HOXB4: variants seen among roughly 807,000 people sequenced by gnomAD.
HOXB4 encodes the protein homeobox B4, also known as homeobox protein Hox-B4.
In HOXB4, 13 loss-of-function variants were observed where a neutral mutation model predicts 20.0. The observed-to-expected ratio is 0.65, with a 90% CI of 0.42 to 1.03. The LOEUF (loss-of-function observed/expected upper bound fraction) is 1.03, where lower values mean the gene tolerates loss of function less well. HOXB4 is among the 50% of genes least tolerant of loss of function. The pLI, the probability that HOXB4 is intolerant of heterozygous loss-of-function variation, is 0.00. For missense variants in HOXB4, 343 were observed against 357.1 expected (o/e 0.96, Z 0.32); for synonymous variants, 173 against 148.9 (o/e 1.16, Z -1.18).
intron 1 of HOXB4, 129 bp downstream of exon 1, chr17:48,577,734 C>T (rs1054529091): frequency 4.9e-6 from 4 of 814,452 alleles, no homozygotes; most frequent in Admixed American, 4.3e-5. Context: ...CGTAAATCTC[C>T]GGCAATGGCG....
intron 1 of HOXB4, 131 bp from the exon 2 acceptor site, chr17:48,577,151 C>G (rs74832295): frequency 2.7e-4 from 4 of 14,642 alleles, no homozygotes; most frequent in Non-Finnish European, 5.6e-4. Flanking sequence ...TGAGGGAGAG[C>G]GGGGAAAAAC....
In HOXB4 at chr17:48,578,213, C is replaced by G. The variant is rs1012011026; in HGVS notation, c.107G>C (p.Gly36Ala). 6.2e-7 allele frequency: 1 copy of G among 1,613,838 alleles called. No homozygotes were observed. ...SDYLPSDHSP[G>A]YYAGGQRRES... ...TCGCCTCTGGCCGCCGGCGTAGTAC[C>G]CGGGCGAGTGGTCGCTGGGTAGGTA... is the stretch of plus-strand genomic sequence containing the variant. Residue 36 changes from glycine to alanine, a missense_variant, in exon 1 of 2, where the codon GGG (glycine) becomes GCG (alanine). Coordinates refer to ENST00000332503, the MANE Select transcript of HOXB4 (RefSeq NM_024015.5).
Position 48,575,711 on chromosome 17 carries a change from G to C in HOXB4, c.*1011C>G, listed in dbSNP as rs927148953. ...AATATTATCAATAATAATAATAAAC[G>C]ATGCAACATAATAAACTATGGGAGA... On this transcript the variant is annotated 3_prime_UTR_variant, in exon 2 of 2. Coordinates refer to ENST00000332503, the MANE Select transcript of HOXB4 (RefSeq NM_024015.5). 1 of 145,628 alleles carries C rather than the reference G, an allele frequency of 6.9e-6. No homozygotes were observed. The highest frequency in any genetic ancestry group is 6.7e-5 in the Admixed American group (1 of 15,006). The allele number at this position is 145,628 out of a possible 1,614,324, so 9.0% of individuals were successfully genotyped here.
chr17:48,577,731 C>T, intron 1 of HOXB4, 132 bp downstream of exon 1: 1 of 798,482 alleles, frequency 1.3e-6, no homozygotes. Flanking sequence ...GACCGTAAAT[C>T]TCCGGCAATG....
At position 48,576,700 on chromosome 17, in the gene HOXB4, G is replaced by T. The variant is rs1440639865; in HGVS notation, c.*22C>A. On this transcript the variant is annotated 3_prime_UTR_variant, in exon 2 of 2. Transcript: ENST00000332503. Reference sequence around the variant, plus strand: ...ACTGCCCACCCCCACCCCGAGGTTCGTGGCTCCCGCGTGCGGGGGCACTAG... The same window carrying T: ...ACTGCCCACCCCCACCCCGAGGTTCTTGGCTCCCGCGTGCGGGGGCACTAG... 6.7e-7 allele frequency: 1 copy of T among 1,487,360 alleles called. No individual in the cohort carries two copies. The highest frequency in any genetic ancestry group is 9.0e-7 in the Non-Finnish European group (1 of 1,109,546). 92.1% of individuals were successfully genotyped at this position (1,487,360 alleles called of 1,614,324 possible).
intron 1 of HOXB4, 71 bp downstream of exon 1, chr17:48,577,792 C>T: frequency 7.8e-7 from 1 of 1,282,290 alleles, no homozygotes; most frequent in Non-Finnish European, 1.0e-6. Flanking sequence ...CCCCCCCCAA[C>T]CCATGCCTCC....
chr17:48,577,900 G>A lies in HOXB4; in HGVS notation c.420C>T (p.Val140=), dbSNP rs972028864. The change falls in exon 1 of 2, where the codon GTC becomes GTT. Residue 140 remains valine (V), a synonymous_variant. Transcript: ENST00000332503. The part of the protein sequence containing the change: ...SPSHSACKEP[V]VYPWMRKVHV... ...GAACTTTGCGCATCCAGGGGTAGAC[G>A]ACGGGCTCTTTGCACGCGGAGTGGG... is the stretch of plus-strand genomic sequence containing the variant. 30 of 1,379,328 alleles carry A rather than the reference G, an allele frequency of 2.2e-5. No homozygotes were observed. Among genetic ancestry groups the A allele is most frequent in the East Asian group, 2.8e-5 (1 of 36,092 alleles). 85.4% of individuals were successfully genotyped at this position (1,379,328 alleles called of 1,614,324 possible).
chr17:48,578,309 C>A lies in HOXB4; in HGVS notation c.11G>T (p.Ser4Ile). 1 of 1,609,216 alleles carries A rather than the reference C, an allele frequency of 6.2e-7. No individual in the cohort carries two copies. Among genetic ancestry groups the A allele is most frequent in the African/African-American group, 1.3e-5 (1 of 74,710 alleles). ...ATAGTTTGAGTTGATCAAAAAAGAACTCATAGCCATTAATTTCTGGGAATT... is the reference window on the plus strand; with the variant it reads ...ATAGTTTGAGTTGATCAAAAAAGAAATCATAGCCATTAATTTCTGGGAATT... MAMSSFLINSNYVD... is the reference protein window; with the variant it reads MAMISFLINSNYVD... The change falls in exon 1 of 2, where the codon AGT becomes ATT. Residue 4 changes from serine to isoleucine, a missense_variant. Ser to Ile is a moderately radical substitution (Grantham distance 142). Coordinates refer to ENST00000332503, the MANE Select transcript of HOXB4 (RefSeq NM_024015.5).
chr17:48,576,508 C>CT lies in HOXB4; in HGVS notation c.*213dup. The CT allele has an allele frequency of 2.8e-6, 1 of 356,742 alleles. No homozygotes were observed. The highest frequency in any genetic ancestry group is 3.9e-5 in the East Asian group (1 of 25,568). 22.1% of individuals were successfully genotyped at this position (356,742 alleles called of 1,614,324 possible). ...AAAGCAAGAGATTTGAATCTTGCTT[C>CT]TGGGGGGGCCTCCCCGTGGCCCTCT... is the stretch of plus-strand genomic sequence containing the variant. On this transcript the variant is annotated 3_prime_UTR_variant, in exon 2 of 2. Coordinates refer to ENST00000332503, the MANE Select transcript of HOXB4 (RefSeq NM_024015.5).
Position 48,575,933 on chromosome 17 carries a change from G to A in HOXB4, c.*789C>T, listed in dbSNP as rs996774000. The stretch of plus-strand genomic sequence containing the variant: ...TGGCCTTTCAGAGGAAGGCCCTCCC[G>A]GGTCTCTGAGTCTCTCTTTTTCCTT... On this transcript the variant is annotated 3_prime_UTR_variant, in exon 2 of 2. Coordinates refer to ENST00000332503, the MANE Select transcript of HOXB4 (RefSeq NM_024015.5). 23 of 152,284 alleles carry A rather than the reference G, an allele frequency of 1.5e-4. No homozygotes were observed. Among genetic ancestry groups the A allele is most frequent in the African/African-American group, 5.1e-4 (21 of 41,394 alleles). The allele number at this position is 152,284 out of a possible 1,614,324, so 9.4% of individuals were successfully genotyped here.
At position 48,576,650 on chromosome 17, in the gene HOXB4, T is replaced by TGCCCCCC; in HGVS notation, c.*71_*72insGGGGGGC. On this transcript the variant is annotated 3_prime_UTR_variant, in exon 2 of 2. Transcript: ENST00000332503. ...GCCCAGGCCCCAGGGCCCCCTCCTG[T>TGCCCCCC]CCCCCCACCCCATCCCCTGCACTCA... 4.2e-5 allele frequency: 24 copies of TGCCCCCC among 567,756 alleles called. No homozygotes were observed. The highest frequency in any genetic ancestry group is 3.6e-4 in the East Asian group (7 of 19,328). 35.2% of individuals were successfully genotyped at this position (567,756 alleles called of 1,614,324 possible). A position where few individuals can be genotyped will look rare whatever the true frequency, so the allele number is the denominator to read the frequency against.
chr17:48,577,964 G>A lies in HOXB4; in HGVS notation c.356C>T (p.Pro119Leu). 7.6e-7 allele frequency: 1 copy of A among 1,315,214 alleles called. No homozygotes were observed. The highest frequency in any genetic ancestry group is 9.7e-7 in the Non-Finnish European group (1 of 1,027,318). 81.5% of individuals were successfully genotyped at this position (1,315,214 alleles called of 1,614,324 possible). The change falls in exon 1 of 2, where the codon CCG becomes CTG. Residue 119 changes from proline (P) to leucine (L), a missense_variant. By Grantham distance (98) the Pro-to-Leu change is moderately conservative. Coordinates refer to ENST00000332503, the MANE Select transcript of HOXB4 (RefSeq NM_024015.5). ...CAGGGGGTTCTGGGCGCAGGGAGGC[G>A]GCGGGGGGCTGCTGCTGACCGCCTC... The part of the protein sequence containing the change: ...RCEAVSSSPP[P>L]PPCAQNPLHP...
chr17:48,576,809 C>G lies in HOXB4; in HGVS notation c.669G>C (p.Leu223Phe). 6.2e-7 allele frequency: 1 copy of G among 1,614,248 alleles called. No individual in the cohort carries two copies. Residue 223 changes from leucine to phenylalanine, a missense_variant, in exon 2 of 2, where the codon TTG (leucine) becomes TTC (phenylalanine). Transcript: ENST00000332503. ...RRMKWKKDHK[L>F]PNTKIRSGGA... ...CACCCGAGCGGATCTTGGTGTTGGG[C>G]AACTTGTGGTCTTTTTTCCACTTCA...
At position 48,578,308 on chromosome 17, in the gene HOXB4, A is replaced by T; in HGVS notation, c.12T>A (p.Ser4Arg). 1 of 1,609,324 alleles carries T rather than the reference A, an allele frequency of 6.2e-7. No individual in the cohort carries two copies. Among genetic ancestry groups the T allele is most frequent in the African/African-American group, 1.3e-5 (1 of 74,690 alleles). Residue 4 changes from serine to arginine, a missense_variant, in exon 1 of 2, where the codon AGT becomes AGA. Physicochemically the swap from Ser to Arg is moderately radical, Grantham distance 110. Around this residue, in one of 3 missense-constraint regions of HOXB4, gnomAD observed 241 missense variants for 222.0 expected, o/e 1.09. Transcript: ENST00000332503. MAMSSFLINSNYVD... is the reference protein window; with the variant it reads MAMRSFLINSNYVD... Reference sequence around the variant, plus strand: ...CATAGTTTGAGTTGATCAAAAAAGAACTCATAGCCATTAATTTCTGGGAAT... The same window carrying T: ...CATAGTTTGAGTTGATCAAAAAAGATCTCATAGCCATTAATTTCTGGGAAT...
chr17:48,576,442 T>C lies in HOXB4; in HGVS notation c.*280A>G. On this transcript the variant is annotated 3_prime_UTR_variant, in exon 2 of 2. Transcript: ENST00000332503. ...ATTTCTCTTTCTGTCTTTTTCTTTC[T>C]TCCTTCTTCTTGCTTTTTCTTTTTC... The C allele has an allele frequency of 2.8e-6, 1 of 352,422 alleles. No individual in the cohort carries two copies. The highest frequency in any genetic ancestry group is 5.1e-6 in the Non-Finnish European group (1 of 196,916). 21.8% of individuals were successfully genotyped at this position (352,422 alleles called of 1,614,324 possible). A position where few individuals can be genotyped will look rare whatever the true frequency, so the allele number is the denominator to read the frequency against.
rs754245428 is a variant in HOXB4 at position 48,578,256 on chromosome 17, C to A, written c.64G>T (p.Glu22Ter). The A allele has an allele frequency of 6.2e-7, 1 of 1,614,036 alleles. No individual in the cohort carries two copies. Among genetic ancestry groups the A allele is most frequent in the Admixed American group, 1.7e-5 (1 of 60,004 alleles). ...GGTAGGTAATCGCTCTGTGAATATT[C>A]CTCGCATGGAGGGAACTTGGGGTCG... is the stretch of plus-strand genomic sequence containing the variant. ...YVDPKFPPCE[E>*]YSQSDYLPSD... The change falls in exon 1 of 2, where the codon GAA (glutamate) becomes TAA (stop). Residue 22 changes from glutamate to a stop codon, truncating the protein, a stop_gained. Transcript: ENST00000332503. LOFTEE classifies it high-confidence loss of function.
chr17:48,576,816 TG>T lies in HOXB4; in HGVS notation c.661del (p.His221ThrfsTer48). On this transcript the variant is annotated frameshift_variant, in exon 2 of 2. Transcript: ENST00000332503. LOFTEE classifies it high-confidence loss of function. ...QNRRMKWKKD[H>X]KLPNTKIRSG... ...GCGGATCTTGGTGTTGGGCAACTTG[TG>T]GTCTTTTTTCCACTTCATGCGCCGG... 6.2e-7 allele frequency: 1 copy of T among 1,614,232 alleles called. No homozygotes were observed. Among genetic ancestry groups the T allele is most frequent in the Non-Finnish European group, 8.5e-7 (1 of 1,180,034 alleles).
At position 48,576,464 on chromosome 17, in the gene HOXB4, T is replaced by C; in HGVS notation, c.*258A>G. 1 of 390,254 alleles carries C rather than the reference T, an allele frequency of 2.6e-6. No individual in the cohort carries two copies. The highest frequency in any genetic ancestry group is 4.5e-6 in the Non-Finnish European group (1 of 220,994). 24.2% of individuals were successfully genotyped at this position (390,254 alleles called of 1,614,324 possible). A position where few individuals can be genotyped will look rare whatever the true frequency, so the allele number is the denominator to read the frequency against. On this transcript the variant is annotated 3_prime_UTR_variant, in exon 2 of 2. Transcript: ENST00000332503. The stretch of plus-strand genomic sequence containing the variant: ...TTCTTCCTTCTTCTTGCTTTTTCTT[T>C]TTCTTTTTTTTAAGAAAGAAAGCAA...
chr17:48,577,128 C>T (rs577487512), intron 1 of HOXB4, 108 bp from the exon 2 acceptor site: 5 of 1,128,542 alleles, frequency 4.4e-6, no homozygotes, highest in Non-Finnish European at 4.9e-6. Flanking sequence ...CTCCCGCCAC[C>T]TCTTCTTCCT....
Sources: allele counts gnomAD v4.1 joint callset, GRCh38; gene constraint gnomAD v4.1.1; regional missense constraint gnomAD v4.1.1; transcripts MANE v1.5; gene names NCBI Gene and HGNC (gene_info 2026-07-23, HGNC 2026-07-21).